Variants in ANKRD33B observed in about 807,000 individuals in gnomAD.
ANKRD33B encodes ankyrin repeat domain 33B.
In ANKRD33B, 6 loss-of-function variants were observed where a neutral mutation model predicts 21.5. The observed-to-expected ratio is 0.28, with a 90% CI of 0.15 to 0.55. The LOEUF (loss-of-function observed/expected upper bound fraction) is 0.55, where lower values mean the gene tolerates loss of function less well. ANKRD33B is among the 20% of genes least tolerant of loss of function. The pLI, the probability that ANKRD33B is intolerant of heterozygous loss-of-function variation, is 0.94. For missense variants in ANKRD33B, 698 were observed against 747.2 expected (o/e 0.93, Z 0.77); for synonymous variants, 347 against 342.4 (o/e 1.01, Z -0.15).
chr5:10,577,092 C>A (rs1407771764), intron 1 of ANKRD33B, among the ~76,000 whole-genome samples: 1 of 149,090 alleles, frequency 6.7e-6, no homozygotes, highest in Non-Finnish European at 1.5e-5. Flanking sequence ...CTTTCCCTTT[C>A]CCTTCCCCTT....
At chr5:10,581,332 T>C (rs1735438570) in intron 1 of ANKRD33B, among the ~76,000 whole-genome samples, 1 of 152,242 alleles carries the variant, frequency 6.6e-6, no homozygotes, top group East Asian at 1.9e-4. Flanking sequence ...CCCCCTGCCT[T>C]TCAGCCAGGT....
intron 3 of ANKRD33B, among the ~76,000 whole-genome samples, chr5:10,648,727 C>T (rs951949901): frequency 3.3e-5 from 5 of 152,062 alleles, no homozygotes; most frequent in Admixed American, 2.0e-4. Flanking sequence ...CCATTGCACT[C>T]CAGCCTGGGC....
intron 1 of ANKRD33B, among the ~76,000 whole-genome samples, chr5:10,587,548 AT>A (rs1443371041): frequency 0.022 from 3,136 of 143,224 alleles, 77 homozygotes; most frequent in African/African-American, 0.065. Flanking sequence ...TTCTGATACA[AT>A]TTTTTTTTTT....
chr5:10,625,825 G>C (rs997269882), intron 2 of ANKRD33B, among the ~76,000 whole-genome samples: 2 of 152,240 alleles, frequency 1.3e-5, no homozygotes, highest in Non-Finnish European at 2.9e-5. Flanking sequence ...TGGATCTGGG[G>C]TGCATCTCTG....
intron 1 of ANKRD33B, among the ~76,000 whole-genome samples, chr5:10,617,856 A>AT (rs953550352): frequency 2.0e-4 from 30 of 152,036 alleles, no homozygotes; most frequent in African/African-American, 7.0e-4. Flanking sequence ...CTACTGGGGC[A>AT]TTTTCCCCTC....
chr5:10,650,276 G>T lies in ANKRD33B; in HGVS notation c.*163G>T, dbSNP rs372203602. The stretch of plus-strand genomic sequence containing the variant: ...CTGTTTGTCCAGGCTGCTTCCAAGA[G>T]AGGGCTGAGGGAGCCACATGGATTC... On this transcript the variant is annotated 3_prime_UTR_variant, in exon 4 of 4. Transcript: ENST00000296657. 5 of 738,472 alleles carry T rather than the reference G, an allele frequency of 6.8e-6. No homozygotes were observed. The African/African-American group carries it at 9.3e-5, about 14-fold the overall frequency. 45.7% of individuals were successfully genotyped at this position (738,472 alleles called of 1,614,324 possible).
rs1230444172 is a variant in ANKRD33B, at chr5:10,650,711, T to C, written c.*598T>C. 1.3e-5 allele frequency: 2 copies of C among 152,388 alleles called. No individual in the cohort carries two copies. Among genetic ancestry groups the C allele is most frequent in the Non-Finnish European group, 1.5e-5 (1 of 68,050 alleles). 9.4% of individuals were successfully genotyped at this position (152,388 alleles called of 1,614,324 possible). A position where few individuals can be genotyped will look rare whatever the true frequency, so the allele number is the denominator to read the frequency against. ...CGGATATTTCTATTTGACGGAGGCA[T>C]TGGCTCGTTGAGCCACATGATCAAG... On this transcript the variant is annotated 3_prime_UTR_variant, in exon 4 of 4. Coordinates refer to ENST00000296657, the MANE Select transcript of ANKRD33B (RefSeq NM_001164440.2).
intron 1 of ANKRD33B, among the ~76,000 whole-genome samples, chr5:10,574,043 C>T (rs2126546731): frequency 6.6e-6 from 1 of 152,374 alleles, no homozygotes; most frequent in East Asian, 1.9e-4. Context: ...GTGTGGCTGC[C>T]ATCAACCCCT....
chr5:10,564,641 C>G lies in ANKRD33B; in HGVS notation c.174C>G (p.Phe58Leu), dbSNP rs1277349747. 2.0e-6 allele frequency: 3 copies of G among 1,535,100 alleles called. No individual in the cohort carries two copies. The highest frequency in any genetic ancestry group is 4.9e-5 in the East Asian group (2 of 40,900). ...DTRSIASDDS[F>L]YPFEDEEEHG... ...GCAGCATCGCCTCGGACGACTCTTT[C>G]TACCCTTTCGAGGACGAGGAGGAGC... The change falls in exon 1 of 4, where the codon TTC becomes TTG. Residue 58 changes from phenylalanine (F) to leucine (L), a missense_variant. Around this residue, in one of 3 missense-constraint regions of ANKRD33B, gnomAD observed 148 missense variants for 154.9 expected, o/e 0.96. Transcript: ENST00000296657.
rs1449783320 is a variant in ANKRD33B at position 10,649,306 on chromosome 5, G to A, written c.678G>A (p.Ser226=). The change falls in exon 4 of 4, where the codon TCG becomes TCA. Residue 226 remains serine, a synonymous_variant. Transcript: ENST00000296657. ...VHARDPRRGM[S]PQEWATYTGR... The stretch of plus-strand genomic sequence containing the variant: ...CGAGGGACCCCCGCCGTGGGATGTC[G>A]CCGCAGGAGTGGGCCACTTACACGG... 1 of 1,531,224 alleles carries A rather than the reference G, an allele frequency of 6.5e-7. No individual in the cohort carries two copies. The highest frequency in any genetic ancestry group is 8.7e-7 in the Non-Finnish European group (1 of 1,144,184). 94.9% of individuals were successfully genotyped at this position (1,531,224 alleles called of 1,614,324 possible).
chr5:10,634,310 C>T (rs1736802943), intron 2 of ANKRD33B, among the ~76,000 whole-genome samples: 1 of 150,524 alleles, frequency 6.6e-6, no homozygotes, highest in Non-Finnish European at 1.5e-5. Flanking sequence ...CACTTGTGAC[C>T]CTCTCTTAAG....
At chr5:10,604,510 G>GAA (rs555653693) in intron 1 of ANKRD33B, among the ~76,000 whole-genome samples, 77 of 101,928 alleles carry the variant, frequency 7.6e-4, no homozygotes, top group African/African-American at 2.7e-3. Context: ...GAACCTTTTT[G>GAA]AAAAAAAAAA....
Position 10,564,681 on chromosome 5 carries a change from G to GCGGAGAGCGTCC in ANKRD33B, c.220_231dup (p.Ser74_Glu77dup). 1.3e-6 allele frequency: 2 copies of GCGGAGAGCGTCC among 1,534,602 alleles called. No individual in the cohort carries two copies. Among genetic ancestry groups the GCGGAGAGCGTCC allele is most frequent in the East Asian group, 2.4e-5 (1 of 40,890 alleles). On this transcript the variant is annotated inframe_insertion, in exon 1 of 4. Transcript: ENST00000296657. ...CGAGGAGGAGCACGGCGTCGAGAGCGCGGAGAGCGTCCCGGAGGGCGTCCC... is the reference window on the plus strand; with the variant it reads ...CGAGGAGGAGCACGGCGTCGAGAGCGCGGAGAGCGTCCCGGAGAGCGTCCCGGAGGGCGTCCC...
rs148482225 is a variant in ANKRD33B at position 10,585,485 on chromosome 5, G to A, written c.366+20652G>A. On this transcript the variant is annotated intron_variant, in intron 1 of 3. Coordinates refer to ENST00000296657, the MANE Select transcript of ANKRD33B (RefSeq NM_001164440.2). ...CATTTGACAAAGGGAGTTTAAGCAT[G>A]TGATTAGATGGGGTCTGTGGAGCAT... Among the ~76,000 whole-genome samples the A allele has an allele frequency of 1.2e-3, 180 of 152,344 alleles. No homozygotes were observed. In the Middle Eastern group the frequency reaches 0.027, roughly 23 times the overall value.
chr5:10,641,225 C>CTTTTTT (rs772445527), intron 3 of ANKRD33B, among the ~76,000 whole-genome samples: 93 of 77,446 alleles, frequency 1.2e-3, no homozygotes, highest in East Asian at 1.8e-3. Flanking sequence ...TCTTCTTCTT[C>CTTTTTT]TTTTTTTTTT....
At chr5:10,628,872 G>A (rs1002257573) in intron 2 of ANKRD33B, among the ~76,000 whole-genome samples, 4 of 152,228 alleles carry the variant, frequency 2.6e-5, no homozygotes, top group Admixed American at 2.6e-4. Flanking sequence ...GAGTTGGAAG[G>A]GATGGCTCAT....
At chr5:10,642,838 T>G (rs1737094097) in intron 3 of ANKRD33B, among the ~76,000 whole-genome samples, 1 of 152,178 alleles carries the variant, frequency 6.6e-6, no homozygotes, top group Admixed American at 6.5e-5. Context: ...TTAATGAGGG[T>G]AGTAAGCCCC....
chr5:10,633,035 C>G (rs1487051193), intron 2 of ANKRD33B, among the ~76,000 whole-genome samples: 1 of 150,014 alleles, frequency 6.7e-6, no homozygotes, highest in African/African-American at 2.5e-5. Flanking sequence ...TGATCCACCC[C>G]CCTCAGCCTC....
rs532872732 is a variant in ANKRD33B at position 10,651,756 on chromosome 5, A to G, written c.*1643A>G. On this transcript the variant is annotated 3_prime_UTR_variant, in exon 4 of 4. Transcript: ENST00000296657. ...GCAGGGCTGGTGCAGGCTTCTCCAT[A>G]CTCCCTTCCACTTGGCACCAGCAGG... 6.6e-6 allele frequency: 1 copy of G among 152,220 alleles called. No homozygotes were observed. Among genetic ancestry groups the G allele is most frequent in the East Asian group, 1.9e-4 (1 of 5,310 alleles). 9.4% of individuals were successfully genotyped at this position (152,220 alleles called of 1,614,324 possible).
Sources: allele counts gnomAD v4.1 joint callset (sites outside exome capture counted in the v4.1 genomes callset), GRCh38; gene constraint gnomAD v4.1.1; regional missense constraint gnomAD v4.1.1; transcripts MANE v1.5; gene names NCBI Gene and HGNC (gene_info 2026-07-23, HGNC 2026-07-21).